LRRFIP2: variants seen among roughly 807,000 people sequenced by gnomAD.
LRRFIP2 encodes the protein LRR binding FLII interacting protein 2, also known as leucine-rich repeat flightless-interacting protein 2.
In LRRFIP2, 109 loss-of-function variants were observed where a neutral mutation model predicts 125.9. The observed-to-expected ratio is 0.87, with a 90% confidence interval of 0.74 to 1.01. The LOEUF (loss-of-function observed/expected upper bound fraction) is 1.01, where lower values mean the gene tolerates loss of function less well. Ranked by LOEUF, LRRFIP2 falls within the 50% of genes least tolerant of loss-of-function variation. The pLI is 0.00. For missense variants in LRRFIP2, 850 were observed against 862.3 expected (o/e 0.99, Z 0.18); for synonymous variants, 291 against 293.1 (o/e 0.99, Z 0.07).
intron 1 of LRRFIP2, among the ~76,000 whole-genome samples, chr3:37,159,664 G>A (rs1055280565): frequency 4.0e-5 from 6 of 151,738 alleles, no homozygotes; most frequent in Admixed American, 3.9e-4. Context: ...GTGCCACCAC[G>A]CCTGGCTAAT....
At chr3:37,105,667 A>G (rs1486081646) in intron 13 of LRRFIP2, 144 bp from the exon 14 acceptor site, 16 of 552,772 alleles carry the variant, frequency 2.9e-5, no homozygotes, top group Admixed American at 9.7e-5. Context: ...GGCACCTTAT[A>G]TATTAATAAA....
chr3:37,159,540 G>A (rs540115164), intron 1 of LRRFIP2, among the ~76,000 whole-genome samples: 13 of 151,826 alleles, frequency 8.6e-5, no homozygotes, highest in Non-Finnish European at 1.5e-4. Context: ...ACAGAGTCTC[G>A]CTGCTGGCCA....
chr3:37,107,202 G>C (rs2094371373), intron 13 of LRRFIP2, among the ~76,000 whole-genome samples: 1 of 152,026 alleles, frequency 6.6e-6, no homozygotes, highest in African/African-American at 2.4e-5. Context: ...TGCCCGGACA[G>C]GAAATGACTT....
intron 9 of LRRFIP2, 113 bp downstream of exon 9, chr3:37,110,857 AATTCAGTTACCAAAAACTAGT>A (rs1310567085): frequency 1.5e-6 from 1 of 671,062 alleles, no homozygotes; most frequent in Non-Finnish European, 2.5e-6. Context: ...AGACTATATA[AATTCAGTTACCAAAAACTAGT>A]ATATACGTAG....
At chr3:37,138,611 T>C (rs1392513916) in intron 2 of LRRFIP2, among the ~76,000 whole-genome samples, 1 of 152,216 alleles carries the variant, frequency 6.6e-6, no homozygotes, top group Non-Finnish European at 1.5e-5. Context: ...CTGCAGATAG[T>C]ACCAAACCCT....
intron 20 of LRRFIP2, among the ~76,000 whole-genome samples, chr3:37,074,416 A>C (rs538528869): frequency 6.6e-6 from 1 of 152,290 alleles, no homozygotes; most frequent in East Asian, 1.9e-4. Flanking sequence ...CTCAGGAGGG[A>C]AAACCACATT....
At chr3:37,138,376 G>A (rs1343429322) in intron 2 of LRRFIP2, among the ~76,000 whole-genome samples, 1 of 152,114 alleles carries the variant, frequency 6.6e-6, no homozygotes, top group Non-Finnish European at 1.5e-5. Context: ...ACAAGTAGGA[G>A]GAACCTATTC....
intron 2 of LRRFIP2, among the ~76,000 whole-genome samples, chr3:37,135,367 G>A (rs1012209346): frequency 2.0e-5 from 3 of 151,764 alleles, no homozygotes; most frequent in African/African-American, 7.3e-5. Context: ...CCTGAGGCAG[G>A]GGAATCGCTT....
chr3:37,150,966 T>C lies in LRRFIP2; in HGVS notation c.-55-1928A>G, dbSNP rs543838265. On this transcript the variant is annotated intron_variant, in intron 1 of 27. Coordinates refer to ENST00000336686, the MANE Select transcript of LRRFIP2 (RefSeq NM_006309.4). ...CCATTTCTCATTCATCAGAGCTAGC[T>C]TGTTATTCTGTCCACCAGAATAAAG... Among the ~76,000 whole-genome samples, 23 of 152,324 alleles carry C rather than the reference T, an allele frequency of 1.5e-4. No homozygotes were observed. The South Asian group carries it at 2.3e-3, about 15-fold the overall frequency.
At chr3:37,068,911 G>C (rs1447539226) in intron 21 of LRRFIP2, 1 of 152,194 alleles carries the variant, frequency 6.6e-6, no homozygotes, top group Non-Finnish European at 1.5e-5. Flanking sequence ...CCGCAGTGGA[G>C]CTAGAGGCAA....
chr3:37,138,449 GCTAT>G (rs1176340961), intron 2 of LRRFIP2, among the ~76,000 whole-genome samples: 2 of 152,180 alleles, frequency 1.3e-5, no homozygotes, highest in African/African-American at 2.4e-5. Flanking sequence ...ACTTGAGACT[GCTAT>G]CTGAGAGGAG....
intron 15 of LRRFIP2, among the ~76,000 whole-genome samples, chr3:37,098,839 C>T (rs2093871785): frequency 6.6e-6 from 1 of 152,118 alleles, no homozygotes; most frequent in Non-Finnish European, 1.5e-5. Context: ...GCCTTATCTT[C>T]CTGAGTATTT....
intron 22 of LRRFIP2, 59 bp downstream of exon 22, chr3:37,066,161 AAAGG>A (rs1250165204): frequency 2.1e-6 from 3 of 1,453,802 alleles, no homozygotes; most frequent in East Asian, 2.3e-5. Flanking sequence ...TGGCAGGATG[AAAGG>A]AAGGAAGATA....
At chr3:37,101,802 G>A (rs1236365981) in intron 15 of LRRFIP2, among the ~76,000 whole-genome samples, 2 of 152,108 alleles carry the variant, frequency 1.3e-5, no homozygotes, top group Non-Finnish European at 2.9e-5. Context: ...GCCAGCAAGA[G>A]AGGAGAAGCG....
At chr3:37,058,682 A>C (rs1445764958) in intron 25 of LRRFIP2, 108 bp downstream of exon 25, 5 of 1,262,738 alleles carry the variant, frequency 4.0e-6, no homozygotes, top group Non-Finnish European at 5.5e-6. Context: ...TCTCAAAAAA[A>C]AAAAAAAAAG....
intron 1 of LRRFIP2, among the ~76,000 whole-genome samples, chr3:37,156,811 T>C (rs1336655587): frequency 6.9e-6 from 1 of 144,628 alleles, no homozygotes; most frequent in Non-Finnish European, 1.5e-5. Flanking sequence ...CACTGAAGAA[T>C]ACCTAGTAGT....
rs1459589329 is a variant in LRRFIP2, at chr3:37,138,793, A to G, written c.91-9644T>C. On this transcript the variant is annotated intron_variant, in intron 2 of 27. Transcript: ENST00000336686. ...TTTCTTTCTTCACAATTTCATGAAT[A>G]GAAGATGTGTTCATACCACAGATCT... Among the ~76,000 whole-genome samples, 3 of 152,254 alleles carry G rather than the reference A, an allele frequency of 2.0e-5. No homozygotes were observed. The East Asian group carries it at 5.8e-4, about 29-fold the overall frequency.
intron 20 of LRRFIP2, 148 bp from the exon 21 acceptor site, chr3:37,073,030 C>G: frequency 5.2e-6 from 3 of 575,738 alleles, no homozygotes; most frequent in Non-Finnish European, 9.2e-6. Context: ...ATTGGTCTGC[C>G]AAAAGAAAAG....
intron 1 of LRRFIP2, among the ~76,000 whole-genome samples, chr3:37,156,541 G>C (rs35416731): frequency 2.6e-5 from 4 of 151,288 alleles, no homozygotes; most frequent in African/African-American, 9.7e-5. Context: ...GGGCGTGGTG[G>C]CAGGCGCCTG....
Sources: allele counts gnomAD v4.1 joint callset (sites outside exome capture counted in the v4.1 genomes callset), GRCh38; gene constraint gnomAD v4.1.1; transcripts MANE v1.5; gene names NCBI Gene and HGNC (gene_info 2026-07-23, HGNC 2026-07-21).